The following STAM2 variants were observed in gnomAD, a reference collection of about 807,000 sequenced individuals.
STAM2 encodes the protein signal transducing adaptor molecule 2, also known as signal transducing adapter molecule 2.
Under a neutral mutation model 65.6 loss-of-function variants are expected in STAM2, and 51 were observed. That is an observed-to-expected ratio of 0.78 (90% CI 0.62 to 0.98). The LOEUF (loss-of-function observed/expected upper bound fraction) is 0.98, where lower values mean the gene tolerates loss of function less well. Ranked by LOEUF, STAM2 falls within the 50% of genes least tolerant of loss-of-function variation. The pLI, the probability that STAM2 is intolerant of heterozygous loss-of-function variation, is 0.00. For synonymous variants in STAM2, 198 were observed against 208.4 expected (o/e 0.95, Z 0.43); for missense variants, 584 against 617.8 (o/e 0.95, Z 0.58).
At chr2:152,124,287 C>G (rs968171672) in intron 12 of STAM2, 2 of 183,478 alleles carry the variant, frequency 1.1e-5, no homozygotes, top group Non-Finnish European at 1.1e-5. Context: ...AAGGGAAGCC[C>G]ACCATCACTT....
intron 1 of STAM2, among the ~76,000 whole-genome samples, chr2:152,163,654 A>G (rs1327224022): frequency 1.3e-5 from 2 of 152,220 alleles, no homozygotes; most frequent in Non-Finnish European, 1.5e-5. Context: ...GAGAGTCTAT[A>G]AACAGATGTG....
chr2:152,121,292 A>G (rs975872827), intron 13 of STAM2, among the ~76,000 whole-genome samples: 1 of 152,182 alleles, frequency 6.6e-6, no homozygotes, highest in African/African-American at 2.4e-5. Flanking sequence ...TAATTTTTAT[A>G]TTTGGTAAGA....
chr2:152,147,423 A>C, intron 4 of STAM2, 115 bp from the exon 5 acceptor site: 1 of 999,760 alleles, frequency 1.0e-6, no homozygotes, highest in Middle Eastern at 3.2e-4. Flanking sequence ...GAACATCAAC[A>C]AAAGTCCTGA....
intron 11 of STAM2, among the ~76,000 whole-genome samples, chr2:152,130,202 C>A (rs1194750857): frequency 2.0e-5 from 3 of 152,136 alleles, no homozygotes; most frequent in Non-Finnish European, 2.9e-5. Flanking sequence ...GTTAAAAGCT[C>A]AAAACCCTGA....
rs1404423656 is a variant in STAM2, at chr2:152,126,352, A to G, written c.1053T>C (p.Asn351=). Residue 351 remains asparagine, a synonymous_variant, in exon 12 of 14, where the codon AAT becomes AAC. Coordinates refer to ENST00000263904, the MANE Select transcript of STAM2 (RefSeq NM_005843.6). ...DRKHSELSEL[N]VKVLEALELY... is the part of the protein sequence containing the mutation. ...GTTCCAGAGCTTCCAGGACTTTAAC[A>G]TTCAATTCAGACAATTCTGAATGCT... The G allele has an allele frequency of 6.3e-7, 1 of 1,583,788 alleles. No individual in the cohort carries two copies. The highest frequency in any genetic ancestry group is 8.6e-7 in the Non-Finnish European group (1 of 1,166,284).
intron 11 of STAM2, among the ~76,000 whole-genome samples, chr2:152,127,104 T>C (rs958358216): frequency 3.3e-5 from 5 of 152,254 alleles, no homozygotes; most frequent in Non-Finnish European, 7.3e-5. Context: ...TTCTGTATCC[T>C]GGCCCTTGAG....
intron 13 of STAM2, among the ~76,000 whole-genome samples, 162 bp downstream of exon 13, chr2:152,123,604 T>C (rs949883344): frequency 1.3e-5 from 2 of 152,178 alleles, no homozygotes; most frequent in Non-Finnish European, 2.9e-5. Context: ...GGGCGGGCAA[T>C]AATCTCAGTA....
chr2:152,160,593 A>G (rs34550644), intron 1 of STAM2, among the ~76,000 whole-genome samples: 7 of 143,472 alleles, frequency 4.9e-5, no homozygotes, highest in African/African-American at 1.8e-4. Context: ...CGCTCCGTCC[A>G]GGAGGGAGGT....
chr2:152,166,956 G>T (rs1484961129), intron 1 of STAM2, among the ~76,000 whole-genome samples: 1 of 152,184 alleles, frequency 6.6e-6, no homozygotes, highest in South Asian at 2.1e-4. Context: ...TACCGACCAA[G>T]AAAATAGTTT....
chr2:152,130,320 C>T (rs1579313324), intron 11 of STAM2, among the ~76,000 whole-genome samples: 1 of 151,750 alleles, frequency 6.6e-6, no homozygotes, highest in Non-Finnish European at 1.5e-5. Flanking sequence ...GGCGAGATCT[C>T]GGCTCACTGC....
chr2:152,146,040 C>T (rs1689332113), intron 5 of STAM2, among the ~76,000 whole-genome samples: 1 of 151,974 alleles, frequency 6.6e-6, no homozygotes, highest in Admixed American at 6.6e-5. Flanking sequence ...GAGGTCGAGG[C>T]AGGTGGATCA....
intron 13 of STAM2, 35 bp downstream of exon 13, chr2:152,123,731 A>C (rs1319674067): frequency 1.3e-6 from 2 of 1,599,464 alleles, no homozygotes; most frequent in Admixed American, 3.4e-5. Flanking sequence ...AGGAAAATTA[A>C]CACATATAAA....
chr2:152,134,080 C>T (rs1396420312), intron 8 of STAM2, among the ~76,000 whole-genome samples: 1 of 148,760 alleles, frequency 6.7e-6, no homozygotes, highest in Non-Finnish European at 1.5e-5. Context: ...ATACATAAAC[C>T]CAGAAAACTA....
Position 152,120,635 on chromosome 2 carries a change from G to T in STAM2, c.1517C>A (p.Thr506Lys), listed in dbSNP as rs986034837. The change falls in exon 14 of 14, where the codon ACA becomes AAA. Residue 506 changes from threonine (T) to lysine (K), a missense_variant. Physicochemically the swap from Thr to Lys is moderately conservative, Grantham distance 78 (BLOSUM62 -1). Transcript: ENST00000263904. ...NLPQLAGFPVTVPAHPVAQQH... is the reference protein window; with the variant it reads ...NLPQLAGFPVKVPAHPVAQQH... ...CTGTGCAACTGGATGAGCTGGAACT[G>T]TCACCGGAAAGCCTGCCAGTTGAGG... 6.2e-7 allele frequency: 1 copy of T among 1,614,124 alleles called. No individual in the cohort carries two copies.
chr2:152,156,999 TC>T (rs1418146236), intron 1 of STAM2, among the ~76,000 whole-genome samples: 1 of 152,010 alleles, frequency 6.6e-6, no homozygotes, highest in Non-Finnish European at 1.5e-5. Flanking sequence ...GCAGAGCAGG[TC>T]CCAGATCTTT....
intron 4 of STAM2, 89 bp downstream of exon 4, chr2:152,147,935 T>C (rs1689364897): frequency 1.0e-6 from 1 of 973,428 alleles, no homozygotes. Flanking sequence ...ACTTCATTTA[T>C]AATACTTTAG....
At chr2:152,175,260 A>T (rs1689992263) in intron 1 of STAM2, among the ~76,000 whole-genome samples, 1 of 152,204 alleles carries the variant, frequency 6.6e-6, no homozygotes, top group African/African-American at 2.4e-5. Context: ...GGAGGTAACC[A>T]GCTGTCGAAC....
At position 152,119,067 on chromosome 2, in the gene STAM2, A is replaced by T. The variant is rs995703133; in HGVS notation, c.*1507T>A. ...CTAGCTTGAAATGGATTTAGTAGAA[A>T]GAATGACTGCTTCCTTTAAAAAAAC... is the stretch of plus-strand genomic sequence containing the variant. On this transcript the variant is annotated 3_prime_UTR_variant, in exon 14 of 14. Coordinates refer to ENST00000263904, the MANE Select transcript of STAM2 (RefSeq NM_005843.6). 6.6e-6 allele frequency: 1 copy of T among 152,218 alleles called. No individual in the cohort carries two copies. The highest frequency in any genetic ancestry group is 1.5e-5 in the Non-Finnish European group (1 of 68,004). 9.4% of individuals were successfully genotyped at this position (152,218 alleles called of 1,614,324 possible). A position where few individuals can be genotyped will look rare whatever the true frequency, so the allele number is the denominator to read the frequency against.
At chr2:152,170,990 C>T (rs961883401) in intron 1 of STAM2, among the ~76,000 whole-genome samples, 19 of 152,076 alleles carry the variant, frequency 1.2e-4, no homozygotes, top group African/African-American at 4.6e-4. Context: ...AGCAAGACTC[C>T]GTCTCAAAAA....
Sources: gnomAD v4.1 joint callset for allele counts (sites outside exome capture counted in the v4.1 genomes callset) on GRCh38, gnomAD v4.1.1 for gene constraint, MANE v1.5 for transcripts, NCBI Gene and HGNC (gene_info 2026-07-23, HGNC 2026-07-21) for gene names.